BMPR2: variants seen among roughly 807,000 people sequenced by gnomAD.
BMPR2 encodes the protein bone morphogenetic protein receptor type-2.
A neutral mutation model predicts 100.8 loss-of-function variants in BMPR2; 29 were observed. The ratio of observed to expected loss-of-function variants is 0.29; its 90% CI spans 0.21 to 0.39. The LOEUF (loss-of-function observed/expected upper bound fraction) is 0.39. Among genes scored for constraint, BMPR2 ranks in the 10% least tolerant of loss-of-function variants. The probability of loss-of-function intolerance (pLI) is 1.00; values close to 1 mark genes in which losing one functional copy is unlikely to be tolerated. For synonymous variants in BMPR2, 382 were observed against 442.3 expected (o/e 0.86, Z 1.71); for missense variants, 1,011 against 1,274.5 (o/e 0.79, Z 3.15).
intron 7 of BMPR2, among the ~76,000 whole-genome samples, chr2:202,527,773 G>A (rs1394323453): frequency 2.6e-5 from 4 of 151,696 alleles, no homozygotes; most frequent in African/African-American, 4.8e-5. Context: ...CGGCCTGGGC[G>A]ACAGAGCGAG....
rs147044829 is a variant in BMPR2 at position 202,551,524 on chromosome 2, A to AAAAC, written c.1414-1176_1414-1173dup. Among the ~76,000 whole-genome samples, 35 of 151,990 alleles carry AAAAC rather than the reference A, an allele frequency of 2.3e-4. No homozygotes were observed. The South Asian group carries it at 3.1e-3, about 14-fold the overall frequency. On this transcript the variant is annotated intron_variant, in intron 10 of 12. Transcript: ENST00000374580. Reference sequence around the variant, plus strand: ...GGGCAACATTGCAAGACTCTATCTCAAAACAAACAAACAAACAAAAAACTA... The same window carrying AAAAC: ...GGGCAACATTGCAAGACTCTATCTCAAAACAAACAAACAAACAAACAAAAAACTA...
Position 202,453,229 on chromosome 2 carries a change from T to G in BMPR2, c.77-11580T>G, listed in dbSNP as rs1274513946. ...TCTTTTTTTTTTTTGAGTAAATTATTTATAGTCCCTTCATTATCAGAAATT... is the reference window on the plus strand; with the variant it reads ...TCTTTTTTTTTTTTGAGTAAATTATGTATAGTCCCTTCATTATCAGAAATT... On this transcript the variant is annotated intron_variant, in intron 1 of 12. Coordinates refer to ENST00000374580, the MANE Select transcript of BMPR2 (RefSeq NM_001204.7). Among the ~76,000 whole-genome samples, 3 of 152,102 alleles carry G rather than the reference T, an allele frequency of 2.0e-5. No individual in the cohort carries two copies. The East Asian group carries it at 5.8e-4, about 29-fold the overall frequency.
In BMPR2 at chr2:202,519,014, C is replaced by T. The variant is rs773655445; in HGVS notation, c.814C>T (p.Arg272Cys). ...VGDERVTADG[R>C]MEYLLVMEYY... ...AGATGAGAGAGTCACTGCAGATGGA[C>T]GCATGGAATATTTGCTTGTGATGGA... Residue 272 changes from arginine to cysteine, a missense_variant, in exon 6 of 13, where the codon CGC (arginine) becomes TGC (cysteine). This residue lies in a region of BMPR2 where 355 missense variants were observed against 455.3 expected (regional missense o/e 0.78). Transcript: ENST00000374580. The T allele has an allele frequency of 9.9e-6, 16 of 1,614,074 alleles. No individual in the cohort carries two copies. The highest frequency in any genetic ancestry group is 1.6e-4 in the Middle Eastern group (1 of 6,062).
At chr2:202,518,295 A>G (rs1370080315) in intron 5 of BMPR2, among the ~76,000 whole-genome samples, 1 of 149,878 alleles carries the variant, frequency 6.7e-6, no homozygotes. Flanking sequence ...GTGCCATGAT[A>G]CCCGGCTAAT....
At chr2:202,421,589 C>T (rs187308395) in intron 1 of BMPR2, among the ~76,000 whole-genome samples, 257 of 144,880 alleles carry the variant, frequency 1.8e-3, no homozygotes, top group Non-Finnish European at 3.2e-3. Flanking sequence ...TTGCAGTGAG[C>T]GGACATTGTG....
intron 3 of BMPR2, among the ~76,000 whole-genome samples, chr2:202,473,820 A>G (rs1692483101): frequency 1.3e-5 from 2 of 150,602 alleles, no homozygotes; most frequent in Non-Finnish European, 3.0e-5. Flanking sequence ...AAAATAAAAT[A>G]AAATAGCCAG....
chr2:202,500,678 C>G (rs1302769227), intron 3 of BMPR2, among the ~76,000 whole-genome samples: 1 of 152,218 alleles, frequency 6.6e-6, no homozygotes, highest in African/African-American at 2.4e-5. Flanking sequence ...CACCCCAATT[C>G]TGGGAGTACA....
chr2:202,494,241 A>G (rs1030495764), intron 3 of BMPR2, among the ~76,000 whole-genome samples: 4 of 152,240 alleles, frequency 2.6e-5, no homozygotes, highest in Admixed American at 6.5e-5. Context: ...CTCTACTTGT[A>G]TGAAAGCTAC....
chr2:202,378,459 C>A (rs1690202254), intron 1 of BMPR2, among the ~76,000 whole-genome samples: 1 of 152,078 alleles, frequency 6.6e-6, no homozygotes, highest in Admixed American at 6.6e-5. Flanking sequence ...GAGTAAAGGA[C>A]CAAATGACCC....
intron 1 of BMPR2, among the ~76,000 whole-genome samples, chr2:202,445,771 ATTT>A (rs759063361): frequency 2.5e-5 from 3 of 120,032 alleles, no homozygotes; most frequent in African/African-American, 3.4e-5. Flanking sequence ...TACAAACATA[ATTT>A]TTTTTTTTTT....
At chr2:202,408,282 GT>G (rs1237565122) in intron 1 of BMPR2, among the ~76,000 whole-genome samples, 1 of 152,192 alleles carries the variant, frequency 6.6e-6, no homozygotes, top group African/African-American at 2.4e-5. Context: ...TACTTTTGCA[GT>G]TTTAGGTGGC....
At position 202,565,582 on chromosome 2, in the gene BMPR2, A is replaced by G. The variant is rs1688747346; in HGVS notation, c.*5636A>G. On this transcript the variant is annotated 3_prime_UTR_variant, in exon 13 of 13. Coordinates refer to ENST00000374580, the MANE Select transcript of BMPR2 (RefSeq NM_001204.7). ...AAAAGCCATGCACACAGAATTGTATATCATTTTGCCATTAAAATTTTTTAA... is the reference window on the plus strand; with the variant it reads ...AAAAGCCATGCACACAGAATTGTATGTCATTTTGCCATTAAAATTTTTTAA... 6.6e-6 allele frequency: 1 copy of G among 152,580 alleles called. No individual in the cohort carries two copies. Among genetic ancestry groups the G allele is most frequent in the South Asian group, 2.1e-4 (1 of 4,828 alleles). The allele number at this position is 152,580 out of a possible 1,614,324, so 9.5% of individuals were successfully genotyped here.
At chr2:202,442,789 A>G (rs1012615162) in intron 1 of BMPR2, among the ~76,000 whole-genome samples, 2 of 150,778 alleles carry the variant, frequency 1.3e-5, no homozygotes, top group African/African-American at 5.0e-5. Context: ...TTTTTAAAAG[A>G]CTGAATAATA....
intron 3 of BMPR2, among the ~76,000 whole-genome samples, chr2:202,468,777 C>T (rs1424215160): frequency 6.6e-6 from 1 of 151,978 alleles, no homozygotes; most frequent in Non-Finnish European, 1.5e-5. Context: ...TGAACTAGCA[C>T]AGAGTGATTT....
intron 1 of BMPR2, among the ~76,000 whole-genome samples, chr2:202,435,405 A>ATATATATATATATG (rs1559037718): frequency 7.6e-6 from 1 of 132,346 alleles, no homozygotes; most frequent in African/African-American, 3.1e-5. Context: ...ATATATATAT[A>ATATATATATATATG]TATGTTTTTG....
At chr2:202,512,108 T>C (rs890290824) in intron 3 of BMPR2, among the ~76,000 whole-genome samples, 10 of 152,226 alleles carry the variant, frequency 6.6e-5, no homozygotes, top group African/African-American at 2.4e-4. Flanking sequence ...CATATCCTTC[T>C]ATAGAAATAT....
chr2:202,534,676 G>A (rs1289952200), intron 9 of BMPR2, among the ~76,000 whole-genome samples: 1 of 152,114 alleles, frequency 6.6e-6, no homozygotes, highest in Non-Finnish European at 1.5e-5. Context: ...ACACAGACAC[G>A]GCAACCATCT....
chr2:202,413,629 C>T (rs1398646312), intron 1 of BMPR2, among the ~76,000 whole-genome samples: 4 of 151,710 alleles, frequency 2.6e-5, no homozygotes, highest in Non-Finnish European at 4.4e-5. Context: ...ATATATATTA[C>T]ATATTGTTCA....
chr2:202,386,315 T>C (rs1346353823), intron 1 of BMPR2, among the ~76,000 whole-genome samples: 1 of 152,196 alleles, frequency 6.6e-6, no homozygotes, highest in Non-Finnish European at 1.5e-5. Context: ...CATCACAAAC[T>C]TAACCTGTCC....
Sources: allele counts gnomAD v4.1 joint callset (sites outside exome capture counted in the v4.1 genomes callset), GRCh38; gene constraint gnomAD v4.1.1; regional missense constraint gnomAD v4.1.1; transcripts MANE v1.5; gene names NCBI Gene and HGNC (gene_info 2026-07-23, HGNC 2026-07-21).